The following RBFOX1 variants were observed in gnomAD, a reference collection of about 807,000 sequenced individuals.
RBFOX1 encodes the protein RNA binding fox-1 homolog 1, also known as RNA binding protein fox-1 homolog 1.
A neutral mutation model predicts 57.7 loss-of-function variants in RBFOX1; 8 were observed. The observed-to-expected ratio is 0.14, with a 90% CI of 0.08 to 0.25. The LOEUF (loss-of-function observed/expected upper bound fraction) is 0.25. RBFOX1 is among the 10% of genes least tolerant of loss of function. The probability of loss-of-function intolerance (pLI) is 1.00; values close to 1 mark genes in which losing one functional copy is unlikely to be tolerated. For missense variants in RBFOX1, 611 were observed against 548.5 expected (o/e 1.11, Z -1.14); for synonymous variants, 326 against 222.4 (o/e 1.47, Z -4.15).
chr16:5,555,238 A>AT (rs1567225340), intron 2 of RBFOX1, among the ~76,000 whole-genome samples: 1 of 151,960 alleles, frequency 6.6e-6, no homozygotes, highest in African/African-American at 2.4e-5. Context: ...GGTTTTTGCA[A>AT]TTACTTTTAT....
chr16:6,144,077 G>A (rs186141094), intron 1 of RBFOX1, among the ~76,000 whole-genome samples: 1 of 151,802 alleles, frequency 6.6e-6, no homozygotes, highest in African/African-American at 2.4e-5. Context: ...GGGATTACAG[G>A]TGTGAGCCAC....
At chr16:6,091,999 C>G (rs922205029) in intron 1 of RBFOX1, among the ~76,000 whole-genome samples, 1 of 152,176 alleles carries the variant, frequency 6.6e-6, no homozygotes, top group Non-Finnish European at 1.5e-5. Context: ...ACTCATTCCT[C>G]CATCTATCTA....
intron 2 of RBFOX1, among the ~76,000 whole-genome samples, chr16:6,358,256 C>G (rs2087749346): frequency 6.6e-6 from 1 of 152,172 alleles, no homozygotes; most frequent in African/African-American, 2.4e-5. Flanking sequence ...GGACTTTTAA[C>G]AGTTTCTGGC....
intron 3 of RBFOX1, among the ~76,000 whole-genome samples, chr16:6,882,956 T>C (rs1567701630): frequency 6.6e-6 from 1 of 152,198 alleles, no homozygotes; most frequent in East Asian, 1.9e-4. Context: ...CCTCCTGCTT[T>C]AGCAATCAAT....
At chr16:5,922,753 A>G (rs933550345) in intron 4 of RBFOX1, among the ~76,000 whole-genome samples, 2 of 152,230 alleles carry the variant, frequency 1.3e-5, no homozygotes, top group Non-Finnish European at 2.9e-5. Flanking sequence ...GATGGAAATA[A>G]ATGAGTTTAA....
chr16:5,305,322 AT>A (rs2063906756), intron 1 of RBFOX1, among the ~76,000 whole-genome samples: 1 of 152,106 alleles, frequency 6.6e-6, no homozygotes, highest in Non-Finnish European at 1.5e-5. Context: ...GATCAGCAAC[AT>A]TTTGGTAGAG....
intron 4 of RBFOX1, among the ~76,000 whole-genome samples, chr16:5,897,607 C>G (rs1222246088): frequency 6.6e-6 from 1 of 152,156 alleles, no homozygotes; most frequent in Non-Finnish European, 1.5e-5. Context: ...GGATGTGGTT[C>G]AGCACCTGGG....
At chr16:6,267,859 A>G (rs1183708666) in intron 1 of RBFOX1, among the ~76,000 whole-genome samples, 1 of 152,192 alleles carries the variant, frequency 6.6e-6, no homozygotes. Context: ...TGCAAAGAAC[A>G]GTGAGCATGA....
At chr16:6,093,426 A>T (rs1351821361) in intron 1 of RBFOX1, among the ~76,000 whole-genome samples, 1 of 152,074 alleles carries the variant, frequency 6.6e-6, no homozygotes, top group Non-Finnish European at 1.5e-5. Context: ...ATAATAATAA[A>T]ATCATAGTAT....
chr16:6,483,663 C>T (rs2095412047), intron 2 of RBFOX1: 1 of 1,202,722 alleles, frequency 8.3e-7, no homozygotes, highest in South Asian at 1.9e-5. Flanking sequence ...AGCCCACTGA[C>T]TCCGCGGGAG....
chr16:7,088,320 T>C (rs964912671), intron 4 of RBFOX1, among the ~76,000 whole-genome samples: 1 of 152,166 alleles, frequency 6.6e-6, no homozygotes, highest in Non-Finnish European at 1.5e-5. Flanking sequence ...GCTTTGTTTA[T>C]TTGTTTTGTT....
chr16:5,640,408 A>G (rs55804704), intron 3 of RBFOX1, among the ~76,000 whole-genome samples: 77,780 of 151,898 alleles, frequency 0.51, 24,317 homozygotes, highest in Non-Finnish European at 0.71. Context: ...ACATATACAC[A>G]TGCACACCAT....
intron 4 of RBFOX1, among the ~76,000 whole-genome samples, chr16:7,373,692 A>T (rs938753214): frequency 2.0e-5 from 3 of 151,832 alleles, no homozygotes; most frequent in Non-Finnish European, 2.9e-5. Flanking sequence ...AATAATTGCA[A>T]TGGTCAGTTA....
Position 6,584,556 on chromosome 16 carries a change from A to G in RBFOX1, c.-63-70047A>G, listed in dbSNP as rs2097580306. On this transcript the variant is annotated intron_variant, in intron 2 of 15. Transcript: ENST00000550418. The stretch of plus-strand genomic sequence containing the variant: ...CTAATTTTTTGTAATATTAGCAGAG[A>G]TAGGGTTTTGCCATGTTGACCAGGC... Among the ~76,000 whole-genome samples the G allele has an allele frequency of 2.6e-5, 4 of 151,826 alleles. No individual in the cohort carries two copies. The South Asian group carries it at 8.3e-4, about 32-fold the overall frequency.
At chr16:6,486,766 C>G (rs2095492183) in intron 2 of RBFOX1, among the ~76,000 whole-genome samples, 1 of 150,742 alleles carries the variant, frequency 6.6e-6, no homozygotes, top group African/African-American at 2.4e-5. Context: ...CGTTTTTGCT[C>G]TTTTTGTTTT....
At chr16:5,782,257 G>A (rs1386184356) in intron 3 of RBFOX1, among the ~76,000 whole-genome samples, 1 of 152,204 alleles carries the variant, frequency 6.6e-6, no homozygotes. Context: ...TCCAAGATCA[G>A]GGTGTCAGCA....
At chr16:7,113,831 G>A (rs192310124) in intron 4 of RBFOX1, among the ~76,000 whole-genome samples, 14 of 152,104 alleles carry the variant, frequency 9.2e-5, no homozygotes, top group Non-Finnish European at 1.5e-4. Flanking sequence ...CATTAAAGTG[G>A]CCTCCCACTA....
chr16:7,062,416 A>AC (rs910273176), intron 4 of RBFOX1, among the ~76,000 whole-genome samples: 2 of 151,878 alleles, frequency 1.3e-5, no homozygotes, highest in African/African-American at 4.8e-5. Context: ...AACCTTATTT[A>AC]CCCTGTGCTT....
At chr16:6,807,789 C>T (rs1222740847) in intron 3 of RBFOX1, among the ~76,000 whole-genome samples, 3 of 151,930 alleles carry the variant, frequency 2.0e-5, no homozygotes, top group South Asian at 4.2e-4. Context: ...GTACTCCAGC[C>T]TGGTGACAGA....
Sources: allele counts gnomAD v4.1 joint callset (sites outside exome capture counted in the v4.1 genomes callset), GRCh38; gene constraint gnomAD v4.1.1; transcripts MANE v1.5; gene names NCBI Gene and HGNC (gene_info 2026-07-23, HGNC 2026-07-21).